Variants in PITPNM3 observed in about 807,000 individuals in gnomAD.
The protein encoded by PITPNM3 is PITPNM family member 3.
Under a neutral mutation model 102.0 loss-of-function variants are expected in PITPNM3, and 26 were observed. The observed-to-expected ratio is 0.25, with a 90% CI of 0.19 to 0.35. The LOEUF (loss-of-function observed/expected upper bound fraction) is 0.35. Among genes scored for constraint, PITPNM3 ranks in the 10% least tolerant of loss-of-function variants. PITPNM3 has a pLI of 1.00. For missense variants in PITPNM3, 1,083 were observed against 1,346.1 expected (o/e 0.80, Z 3.06); for synonymous variants, 578 against 558.6 (o/e 1.03, Z -0.49).
At position 6,522,286 on chromosome 17, in the gene PITPNM3, G is replaced by GCACACA. The variant is rs35785551; in HGVS notation, c.226+3064_226+3069dup. On this transcript the variant is annotated intron_variant, in intron 3 of 19. Transcript: ENST00000262483. ...GACCCATGAGGTATATTTAGTGTGC[G>GCACACA]CACACACACACACACACACACACAC... Among the ~76,000 whole-genome samples, 69 of 149,218 alleles carry GCACACA rather than the reference G, an allele frequency of 4.6e-4. 1 individual carries two copies. Among genetic ancestry groups the GCACACA allele is most frequent in the African/African-American group, 7.2e-4 (29 of 40,474 alleles).
chr17:6,508,094 TTCAGA>T (rs1907647284), intron 3 of PITPNM3, among the ~76,000 whole-genome samples: 3 of 148,554 alleles, frequency 2.0e-5, no homozygotes, highest in African/African-American at 7.7e-5. Context: ...GAATGCAGAG[TTCAGA>T]GGCCGGAAGA....
chr17:6,511,104 A>G (rs1907841919), intron 3 of PITPNM3, among the ~76,000 whole-genome samples: 1 of 152,198 alleles, frequency 6.6e-6, no homozygotes, highest in African/African-American at 2.4e-5. Context: ...GGGCTGTTTG[A>G]TTCCTGTAGT....
chr17:6,530,811 G>A (rs1042697716), intron 2 of PITPNM3, among the ~76,000 whole-genome samples: 1 of 152,186 alleles, frequency 6.6e-6, no homozygotes, highest in Admixed American at 6.5e-5. Flanking sequence ...TGCTGGAGGG[G>A]GTTGGGAAAC....
At chr17:6,463,381 G>C (rs1295002545) in intron 17 of PITPNM3, among the ~76,000 whole-genome samples, 1 of 150,380 alleles carries the variant, frequency 6.6e-6, no homozygotes, top group African/African-American at 2.5e-5. Context: ...CAGCCACAGG[G>C]GGCCTCAGAA....
chr17:6,515,963 T>C (rs1032415369), intron 3 of PITPNM3, among the ~76,000 whole-genome samples: 39 of 152,092 alleles, frequency 2.6e-4, no homozygotes, highest in African/African-American at 8.0e-4. Context: ...GGAGGATCGC[T>C]TGAGCCTAGG....
chr17:6,479,530 T>C (rs1379498003), intron 6 of PITPNM3: 1 of 152,372 alleles, frequency 6.6e-6, no homozygotes, highest in African/African-American at 2.4e-5. Context: ...CCAGATGCAC[T>C]GTTGGACCTG....
At chr17:6,490,343 C>G (rs1312201759) in intron 4 of PITPNM3, among the ~76,000 whole-genome samples, 1 of 152,092 alleles carries the variant, frequency 6.6e-6, no homozygotes, top group Non-Finnish European at 1.5e-5. Flanking sequence ...CAAACCACCG[C>G]AAAAGGAGGG....
chr17:6,471,804 T>C (rs1009560460), intron 11 of PITPNM3, among the ~76,000 whole-genome samples: 1 of 151,958 alleles, frequency 6.6e-6, no homozygotes, highest in Non-Finnish European at 1.5e-5. Context: ...AGAGCTAGGA[T>C]AGCCTCAGGG....
intron 9 of PITPNM3, among the ~76,000 whole-genome samples, chr17:6,475,392 A>G (rs1237304707): frequency 6.6e-6 from 1 of 152,212 alleles, no homozygotes; most frequent in Non-Finnish European, 1.5e-5. Flanking sequence ...CCTTCCAGCT[A>G]GCCATTAGCT....
chr17:6,511,974 A>C (rs1907891160), intron 3 of PITPNM3, among the ~76,000 whole-genome samples: 1 of 152,184 alleles, frequency 6.6e-6, no homozygotes, highest in South Asian at 2.1e-4. Flanking sequence ...CCAGTGATGG[A>C]GGCAGCACAG....
At chr17:6,549,535 G>A (rs181644838) in intron 1 of PITPNM3, among the ~76,000 whole-genome samples, 1 of 152,174 alleles carries the variant, frequency 6.6e-6, no homozygotes, top group African/African-American at 2.4e-5. Context: ...TGCCACACAC[G>A]CACCCTGTGG....
chr17:6,475,506 C>T (rs1905263727), intron 9 of PITPNM3, among the ~76,000 whole-genome samples: 3 of 152,176 alleles, frequency 2.0e-5, no homozygotes, highest in Admixed American at 2.0e-4. Context: ...TGGACAAGTG[C>T]CCCACCCTCA....
In PITPNM3 at chr17:6,533,163, T is replaced by G. The variant is rs535372715; in HGVS notation, c.118+4824A>C. 1.0e-3 allele frequency among the ~76,000 whole-genome samples: 156 copies of G among 152,098 alleles called. 2 individuals carry two copies. Among genetic ancestry groups the G allele is most frequent in the African/African-American group, 3.5e-3 (144 of 41,496 alleles). On this transcript the variant is annotated intron_variant, in intron 2 of 19. Coordinates refer to ENST00000262483, the MANE Select transcript of PITPNM3 (RefSeq NM_031220.4). ...TTTCAGTAGAGACAGGGTTTCTCCA[T>G]GTTGATCAGGCTGGTCTCGAACTCC...
chr17:6,506,377 C>G (rs1365624646), intron 3 of PITPNM3, among the ~76,000 whole-genome samples: 1 of 105,552 alleles, frequency 9.5e-6, no homozygotes. Context: ...TTTCCTTTCT[C>G]TCTTTTTTTT....
chr17:6,475,718 T>C (rs1475999275), intron 9 of PITPNM3, among the ~76,000 whole-genome samples: 1 of 152,202 alleles, frequency 6.6e-6, no homozygotes, highest in Non-Finnish European at 1.5e-5. Context: ...GAAAGCTGGC[T>C]GTGTCAGACC....
At position 6,472,712 on chromosome 17, in the gene PITPNM3, G is replaced by C. The variant is rs767537138; in HGVS notation, c.1374C>G (p.Val458=). ...LEPKFHLVPP[V]SVPRYQRFPL... ...GGAACCTCTGGTAGCGAGGCACGCT[G>C]ACAGGCGGCACCAGGTGGAACTTGG... The change falls in exon 11 of 20, where the codon GTC becomes GTG. Residue 458 remains valine (V), a synonymous_variant. Coordinates refer to ENST00000262483, the MANE Select transcript of PITPNM3 (RefSeq NM_031220.4). This position sits in a 1 kb window ranked among gnomAD's most constrained non-coding sequence, Gnocchi z 4.1. 4 of 1,614,066 alleles carry C rather than the reference G, an allele frequency of 2.5e-6. No individual in the cohort carries two copies. The highest frequency in any genetic ancestry group is 3.4e-6 in the Non-Finnish European group (4 of 1,179,994).
chr17:6,533,485 CG>C (rs1909250106), intron 2 of PITPNM3, among the ~76,000 whole-genome samples: 1 of 139,250 alleles, frequency 7.2e-6, no homozygotes, highest in Non-Finnish European at 1.6e-5. Flanking sequence ...GGCAGAGTCT[CG>C]CCCTGTCACC....
Position 6,455,580 on chromosome 17 carries a change from T to A in PITPNM3, c.2683A>T (p.Lys895Ter). ...AGGATCATGCGCGAGTTGTTCTTCT[T>A]TGGGCGTGAGCGGTGGCTGGCCTCC... is the stretch of plus-strand genomic sequence containing the variant. ...ALEASHRSRP[K>*]KNNSRMILRK... The change falls in exon 20 of 20, where the codon AAG becomes TAG. Residue 895 changes from lysine to a stop codon, truncating the protein, a stop_gained. Coordinates refer to ENST00000262483, the MANE Select transcript of PITPNM3 (RefSeq NM_031220.4). LOFTEE classifies it high-confidence loss of function. 3.8e-6 allele frequency: 6 copies of A among 1,597,558 alleles called. No individual in the cohort carries two copies. The highest frequency in any genetic ancestry group is 5.1e-6 in the Non-Finnish European group (6 of 1,178,380).
intron 1 of PITPNM3, among the ~76,000 whole-genome samples, chr17:6,555,346 A>C (rs1202723744): frequency 6.6e-6 from 1 of 152,138 alleles, no homozygotes; most frequent in Non-Finnish European, 1.5e-5. Flanking sequence ...TTGGGGGTGG[A>C]TTGACACACA....
Sources: gnomAD v4.1 joint callset for allele counts (sites outside exome capture counted in the v4.1 genomes callset) on GRCh38, gnomAD v4.1.1 for gene constraint, Gnocchi (gnomAD v3.1) non-coding constraint, MANE v1.5 for transcripts, NCBI Gene and HGNC (gene_info 2026-07-23, HGNC 2026-07-21) for gene names.